The following KIF21A variants were observed in gnomAD, a reference collection of about 807,000 sequenced individuals.
The protein encoded by KIF21A is kinesin-like protein KIF21A.
KIF21A carries 114 observed loss-of-function variants against 202.9 expected under a neutral mutation model. That is an observed-to-expected ratio of 0.56 (90% confidence interval 0.48 to 0.66). The LOEUF is 0.66. KIF21A is among the 30% of genes least tolerant of loss of function. The pLI, the probability that KIF21A is intolerant of heterozygous loss-of-function variation, is 0.00. For missense variants in KIF21A, 1,677 were observed against 1,994.9 expected (o/e 0.84, Z 3.04); for synonymous variants, 667 against 670.8 (o/e 0.99, Z 0.09).
intron 1 of KIF21A, among the ~76,000 whole-genome samples, chr12:39,390,755 AC>A (rs1433520002): frequency 6.6e-6 from 1 of 152,154 alleles, no homozygotes; most frequent in African/African-American, 2.4e-5. Context: ...TTGGAAAAAA[AC>A]AACAATATAT....
At position 39,330,923 on chromosome 12, in the gene KIF21A, C is replaced by T. The variant is rs372101773; in HGVS notation, c.3154-12G>A. The T allele has an allele frequency of 1.3e-5, 21 of 1,613,448 alleles. No individual in the cohort carries two copies. The highest frequency in any genetic ancestry group is 1.8e-5 in the Non-Finnish European group (21 of 1,179,610). The stretch of plus-strand genomic sequence containing the variant: ...GCAGCCTGAAGACCCTGAAACACAA[C>T]AAAAAATTATCTTAGGTCATACGAA... On this transcript the variant is annotated splice_polypyrimidine_tract_variant and intron_variant, in intron 22 of 37. Coordinates refer to ENST00000361418, the MANE Select transcript of KIF21A (RefSeq NM_001173464.2).
chr12:39,436,450 T>TATATATATATATATATATATATATA (rs1424166622), intron 1 of KIF21A, among the ~76,000 whole-genome samples: 9 of 60,826 alleles, frequency 1.5e-4, no homozygotes, highest in East Asian at 1.1e-3. Context: ...ATATATATAT[T>TATATATATATATATATATATATATA]TTTTTTTTTT....
At position 39,320,849 on chromosome 12, in the gene KIF21A, C is replaced by T. The variant is rs750801726; in HGVS notation, c.3672-836G>A. On this transcript the variant is annotated intron_variant, in intron 27 of 37. Transcript: ENST00000361418. ...ACTTGGGAGGCTGAGGCAGGAGAAT[C>T]GCTTGAAGCCAGGAGGCAGAGACTG... Among the ~76,000 whole-genome samples, 6 of 142,234 alleles carry T rather than the reference C, an allele frequency of 4.2e-5. No individual in the cohort carries two copies. In the East Asian group the frequency reaches 6.7e-4, roughly 16 times the overall value. The allele number at this position is 142,234 out of a possible 152,430, so 93.3% of individuals were successfully genotyped here.
intron 1 of KIF21A, among the ~76,000 whole-genome samples, chr12:39,405,907 G>T (rs1343193538): frequency 6.6e-6 from 1 of 152,122 alleles, no homozygotes; most frequent in Non-Finnish European, 1.5e-5. Flanking sequence ...TAACAAGACA[G>T]TTACAAACCC....
intron 1 of KIF21A, among the ~76,000 whole-genome samples, chr12:39,385,886 G>T (rs1313626503): frequency 1.3e-5 from 2 of 152,098 alleles, no homozygotes; most frequent in African/African-American, 2.4e-5. Context: ...TATTACAAAG[G>T]CAGTTTAAAT....
At chr12:39,424,331 C>T (rs1397283549) in intron 1 of KIF21A, among the ~76,000 whole-genome samples, 1 of 152,152 alleles carries the variant, frequency 6.6e-6, no homozygotes, top group Non-Finnish European at 1.5e-5. Context: ...TAGATCTTCT[C>T]TTCTTGGCCT....
chr12:39,338,402 A>T (rs1442382379), intron 16 of KIF21A, among the ~76,000 whole-genome samples: 1 of 152,020 alleles, frequency 6.6e-6, no homozygotes, highest in African/African-American at 2.4e-5. Flanking sequence ...TTTATAAAAT[A>T]AAAAAAATTA....
At chr12:39,397,513 A>G (rs1951845789) in intron 1 of KIF21A, among the ~76,000 whole-genome samples, 1 of 151,920 alleles carries the variant, frequency 6.6e-6, no homozygotes, top group African/African-American at 2.4e-5. Context: ...ATATTATGTA[A>G]TTAACTTATT....
At chr12:39,384,429 G>C (rs1378264700) in intron 1 of KIF21A, among the ~76,000 whole-genome samples, 1 of 152,104 alleles carries the variant, frequency 6.6e-6, no homozygotes, top group African/African-American at 2.4e-5. Flanking sequence ...AAGAAAGCTC[G>C]ACAGAAGCTG....
intron 17 of KIF21A, 29 bp from the exon 18 acceptor site, chr12:39,333,309 T>G (rs773795846): frequency 7.1e-7 from 1 of 1,410,924 alleles, no homozygotes; most frequent in East Asian, 2.3e-5. Flanking sequence ...TAAGTGGAAA[T>G]AGTAAAGTGA....
At chr12:39,351,577 T>C (rs1403775944) in intron 11 of KIF21A, among the ~76,000 whole-genome samples, 200 bp downstream of exon 11, 2 of 152,076 alleles carry the variant, frequency 1.3e-5, no homozygotes, top group African/African-American at 4.8e-5. Flanking sequence ...CATTACCATG[T>C]TATTACAATT....
At chr12:39,345,774 T>G (rs1947838252) in intron 12 of KIF21A, among the ~76,000 whole-genome samples, 2 of 151,966 alleles carry the variant, frequency 1.3e-5, no homozygotes, top group African/African-American at 4.8e-5. Flanking sequence ...TATCTTTGGT[T>G]AAATAATCAT....
Position 39,443,060 on chromosome 12 carries a change from G to T in KIF21A, c.-90C>A. On this transcript the variant is annotated 5_prime_UTR_variant, in exon 1 of 38. Coordinates refer to ENST00000361418, the MANE Select transcript of KIF21A (RefSeq NM_001173464.2). ...CCGCGGGACTCGGGCGCAGTAGGCT[G>T]GGGCGTCTGCGGGCGGGCGGCCGGC... 7.5e-7 allele frequency: 1 copy of T among 1,333,890 alleles called. No individual in the cohort carries two copies. Among genetic ancestry groups the T allele is most frequent in the South Asian group, 1.6e-5 (1 of 62,882 alleles). 82.6% of individuals were successfully genotyped at this position (1,333,890 alleles called of 1,614,324 possible).
At chr12:39,395,216 T>A (rs973446534) in intron 1 of KIF21A, among the ~76,000 whole-genome samples, 17 of 152,154 alleles carry the variant, frequency 1.1e-4, no homozygotes, top group African/African-American at 3.4e-4. Context: ...TAGTAAAAAT[T>A]CTAATTTTCC....
intron 31 of KIF21A, 100 bp downstream of exon 31, chr12:39,315,129 A>T: frequency 9.0e-7 from 1 of 1,108,804 alleles, no homozygotes; most frequent in South Asian, 1.3e-5. Context: ...CTTGATCTGA[A>T]GGAGAGAAAA....
chr12:39,326,358 C>T lies in KIF21A; in HGVS notation c.3341-34G>A, dbSNP rs1406540205. 2.0e-6 allele frequency: 3 copies of T among 1,470,668 alleles called. No homozygotes were observed. The South Asian group carries it at 3.4e-5, about 17-fold the overall frequency. The allele number at this position is 1,470,668 out of a possible 1,614,324, so 91.1% of individuals were successfully genotyped here. A position where few individuals can be genotyped will look rare whatever the true frequency, so the allele number is the denominator to read the frequency against. ...AAATGTTTAAAATGTAAGCATTATCCCCATGTCACAGTTTGAATGGTGACT... is the reference window on the plus strand; with the variant it reads ...AAATGTTTAAAATGTAAGCATTATCTCCATGTCACAGTTTGAATGGTGACT... On this transcript the variant is annotated intron_variant, in intron 24 of 37. Coordinates refer to ENST00000361418, the MANE Select transcript of KIF21A (RefSeq NM_001173464.2).
At chr12:39,380,987 C>G (rs1432730352) in intron 1 of KIF21A, among the ~76,000 whole-genome samples, 1 of 151,966 alleles carries the variant, frequency 6.6e-6, no homozygotes, top group East Asian at 1.9e-4. Flanking sequence ...TCATTATACT[C>G]TTCATAATAG....
intron 11 of KIF21A, among the ~76,000 whole-genome samples, chr12:39,350,928 T>A (rs1948321419): frequency 6.6e-6 from 1 of 152,076 alleles, no homozygotes; most frequent in African/African-American, 2.4e-5. Context: ...AAAGCATTCC[T>A]CCTGTAACAA....
intron 1 of KIF21A, among the ~76,000 whole-genome samples, chr12:39,416,811 G>GTACATATATA (rs1373615761): frequency 9.4e-6 from 1 of 106,306 alleles, no homozygotes; most frequent in African/African-American, 4.8e-5. Context: ...ACATATATAT[G>GTACATATATA]TGTGTATATA....
Sources: allele counts gnomAD v4.1 joint callset (sites outside exome capture counted in the v4.1 genomes callset), GRCh38; gene constraint gnomAD v4.1.1; transcripts MANE v1.5; gene names NCBI Gene and HGNC (gene_info 2026-07-23, HGNC 2026-07-21).